VIT: variants seen among roughly 807,000 people sequenced by gnomAD.
The protein encoded by VIT is vitrin.
A neutral mutation model predicts 78.0 loss-of-function variants in VIT; 99 were observed. That is an observed-to-expected ratio of 1.27 (90% CI 1.08 to 1.50). The LOEUF (loss-of-function observed/expected upper bound fraction) is 1.50, where lower values mean the gene tolerates loss of function less well. Among genes scored for constraint, VIT ranks in the 40% most tolerant of loss-of-function variants. VIT has a pLI of 0.00. For synonymous variants in VIT, 374 were observed against 334.3 expected (o/e 1.12, Z -1.29); for missense variants, 1,126 against 875.3 (o/e 1.29, Z -3.61).
chr2:36,704,335 G>A (rs566972800), intron 1 of VIT, among the ~76,000 whole-genome samples: 3 of 152,302 alleles, frequency 2.0e-5, no homozygotes, highest in African/African-American at 7.2e-5. Context: ...AAAATCACCT[G>A]TGTACCATGT....
At chr2:36,776,308 T>C (rs531840995) in intron 9 of VIT, among the ~76,000 whole-genome samples, 104 of 152,284 alleles carry the variant, frequency 6.8e-4, no homozygotes, top group African/African-American at 2.5e-3. Context: ...ACAGATTTTC[T>C]CCACATATTT....
At chr2:36,759,219 G>A (rs1572488194) in intron 6 of VIT, 173 bp downstream of exon 6, 1 of 1,540,176 alleles carries the variant, frequency 6.5e-7, no homozygotes, top group East Asian at 2.4e-5. Context: ...CAGATGGCTG[G>A]GGCTGAAGAA....
chr2:36,723,883 C>A (rs1165583503), intron 2 of VIT, among the ~76,000 whole-genome samples: 3 of 141,460 alleles, frequency 2.1e-5, no homozygotes, highest in African/African-American at 7.9e-5. Context: ...CCCAGGAGTT[C>A]AAGGTAGCAG....
chr2:36,794,862 TA>T (rs1027177995), intron 12 of VIT, among the ~76,000 whole-genome samples: 6 of 152,158 alleles, frequency 3.9e-5, no homozygotes, highest in African/African-American at 1.4e-4. Flanking sequence ...GAAATACCGT[TA>T]AAAAAATTAG....
At chr2:36,768,558 A>T (rs1249075089) in intron 7 of VIT, among the ~76,000 whole-genome samples, 1 of 152,268 alleles carries the variant, frequency 6.6e-6, no homozygotes, top group Non-Finnish European at 1.5e-5. Flanking sequence ...ATGACTTCCA[A>T]TTTCAATAAT....
At chr2:36,729,588 T>C in intron 3 of VIT, 97 bp downstream of exon 3, 1 of 1,241,942 alleles carries the variant, frequency 8.1e-7, no homozygotes, top group Non-Finnish European at 1.1e-6. Flanking sequence ...TTGGTTTGGT[T>C]TTTATCTCTA....
chr2:36,748,262 G>C (rs138478749), intron 4 of VIT, among the ~76,000 whole-genome samples: 2 of 152,112 alleles, frequency 1.3e-5, no homozygotes, highest in Admixed American at 1.3e-4. Context: ...GAATTTGTAT[G>C]TTGACCTCTC....
chr2:36,802,901 ACTGTAGG>A (rs1418812780), intron 13 of VIT, among the ~76,000 whole-genome samples: 1 of 152,256 alleles, frequency 6.6e-6, no homozygotes, highest in Non-Finnish European at 1.5e-5. Flanking sequence ...GAAGAAGCAG[ACTGTAGG>A]CTGAGCTTTA....
intron 6 of VIT, among the ~76,000 whole-genome samples, chr2:36,763,110 C>T (rs1258360221): frequency 6.6e-6 from 1 of 152,238 alleles, no homozygotes; most frequent in African/African-American, 2.4e-5. Flanking sequence ...GGAAAAACCT[C>T]TTCTGCCTTC....
intron 15 of VIT, among the ~76,000 whole-genome samples, chr2:36,813,914 A>T (rs543387682): frequency 6.6e-6 from 1 of 152,234 alleles, no homozygotes; most frequent in Non-Finnish European, 1.5e-5. Context: ...CTAAAATACT[A>T]TAAACTCCTG....
intron 5 of VIT, among the ~76,000 whole-genome samples, chr2:36,758,050 C>T (rs764972246): frequency 2.6e-5 from 4 of 152,168 alleles, no homozygotes; most frequent in East Asian, 1.9e-4. Flanking sequence ...TTACCATCTT[C>T]GCATCCTGTA....
chr2:36,738,716 GTGAGAAA>G (rs1667656092), intron 3 of VIT, among the ~76,000 whole-genome samples: 1 of 152,178 alleles, frequency 6.6e-6, no homozygotes, highest in African/African-American at 2.4e-5. Flanking sequence ...GGTTTCAGAG[GTGAGAAA>G]TGATTCAAGC....
At position 36,755,056 on chromosome 2, in the gene VIT, T is replaced by C; in HGVS notation, c.409+2T>C. The stretch of plus-strand genomic sequence containing the variant: ...GGAGAGAATCCTTTATCGTCTTAGG[T>C]ATGACCACACACTGGAGAAACGCTG... On this transcript the variant is annotated splice_donor_variant, in intron 5 of 15. Transcript: ENST00000379242. LOFTEE classifies it high-confidence loss of function. 1 of 1,613,688 alleles carries C rather than the reference T, an allele frequency of 6.2e-7. No individual in the cohort carries two copies. The highest frequency in any genetic ancestry group is 8.5e-7 in the Non-Finnish European group (1 of 1,179,836).
intron 9 of VIT, among the ~76,000 whole-genome samples, chr2:36,775,545 C>T (rs1270863579): frequency 2.0e-5 from 3 of 152,122 alleles, no homozygotes; most frequent in African/African-American, 7.2e-5. Context: ...ATGTATTTGG[C>T]CTCATTCCCT....
chr2:36,811,103 T>C (rs1667132047), intron 15 of VIT, among the ~76,000 whole-genome samples: 1 of 152,216 alleles, frequency 6.6e-6, no homozygotes, highest in African/African-American at 2.4e-5. Context: ...TTACCCTTTA[T>C]GGAGCCTGTA....
intron 15 of VIT, 26 bp downstream of exon 15, chr2:36,809,011 G>A: frequency 1.9e-6 from 3 of 1,542,392 alleles, no homozygotes; most frequent in Non-Finnish European, 2.6e-6. Context: ...CAAGCAGCCT[G>A]GTGCTGAGGC....
chr2:36,798,238 C>A (rs1666048558), intron 12 of VIT, among the ~76,000 whole-genome samples: 1 of 152,122 alleles, frequency 6.6e-6, no homozygotes, highest in Non-Finnish European at 1.5e-5. Flanking sequence ...ACTGAAGGTT[C>A]CTCTAGCAGA....
intron 10 of VIT, 47 bp downstream of exon 10, chr2:36,781,818 C>T (rs1664780351): frequency 6.2e-7 from 1 of 1,605,050 alleles, no homozygotes; most frequent in Non-Finnish European, 8.5e-7. Flanking sequence ...TCAAGATGCG[C>T]AGGATAGCAG....
intron 12 of VIT, among the ~76,000 whole-genome samples, chr2:36,796,608 AC>A (rs1558581285): frequency 6.6e-6 from 1 of 152,014 alleles, no homozygotes. Context: ...AACATTAAAT[AC>A]TTTTTTTCTG....
Sources: gnomAD v4.1 joint callset for allele counts (sites outside exome capture counted in the v4.1 genomes callset) on GRCh38, gnomAD v4.1.1 for gene constraint, MANE v1.5 for transcripts, NCBI Gene and HGNC (gene_info 2026-07-23, HGNC 2026-07-21) for gene names.